The following SLF1 variants were observed in gnomAD, a reference collection of about 807,000 sequenced individuals.
SLF1 encodes SMC5/6 complex localization factor 1, also known as SMC5-SMC6 complex localization factor protein 1.
SLF1 carries 105 observed loss-of-function variants against 123.0 expected under a neutral mutation model. The observed-to-expected ratio is 0.85, with a 90% CI of 0.73 to 1.00. The LOEUF is 1.00. SLF1 is among the 50% of genes least tolerant of loss of function. The pLI is 0.00. For synonymous variants in SLF1, 434 were observed against 406.6 expected, an observed-to-expected ratio of 1.07 and a Z score of -0.81; for missense variants, 1,239 against 1,223.0, an observed-to-expected ratio of 1.01 and a Z score of -0.20.
chr5:94,650,925 A>G (rs537759323), intron 6 of SLF1, among the ~76,000 whole-genome samples: 16 of 152,368 alleles, frequency 1.1e-4, no homozygotes, highest in African/African-American at 3.6e-4. Context: ...TTGAATAAAC[A>G]TGGCAAAAGA....
At chr5:94,662,138 A>G (rs1749196872) in intron 9 of SLF1, among the ~76,000 whole-genome samples, 160 bp from the exon 10 acceptor site, 1 of 152,228 alleles carries the variant, frequency 6.6e-6, no homozygotes, top group Non-Finnish European at 1.5e-5. Context: ...CCCTAAAATA[A>G]TAAAAGTTGC....
At chr5:94,639,621 C>T (rs1231364491) in intron 4 of SLF1, among the ~76,000 whole-genome samples, 1 of 152,092 alleles carries the variant, frequency 6.6e-6, no homozygotes, top group Non-Finnish European at 1.5e-5. Context: ...TAACTTGACT[C>T]CCCAAAAACA....
At position 94,695,228 on chromosome 5, in the gene SLF1, T is replaced by G. The variant is rs1753444951; in HGVS notation, c.3093T>G (p.Asn1031Lys). 1 of 1,612,586 alleles carries G rather than the reference T, an allele frequency of 6.2e-7. No homozygotes were observed. Among genetic ancestry groups the G allele is most frequent in the African/African-American group, 1.3e-5 (1 of 74,938 alleles). The change falls in exon 21 of 21, where the codon AAT becomes AAG. Residue 1031 changes from asparagine (N) to lysine (K), a missense_variant. By Grantham distance (94) the Asn-to-Lys change is moderately conservative (BLOSUM62 0). Transcript: ENST00000265140. ...ACATTCTTAAGGAACTGCCTGAGAA[T>G]TTGAAAGTGTGTCCTGGGGTACACA... ...LPHILKELPE[N>K]LKVCPGVHTE...
intron 12 of SLF1, among the ~76,000 whole-genome samples, chr5:94,669,903 A>G (rs1185850880): frequency 6.6e-6 from 1 of 152,022 alleles, no homozygotes; most frequent in African/African-American, 2.4e-5. Context: ...CCTGCTAGTC[A>G]TTAAATATTA....
intron 8 of SLF1, among the ~76,000 whole-genome samples, chr5:94,654,420 A>T (rs1055461085): frequency 6.6e-6 from 1 of 151,602 alleles, no homozygotes; most frequent in Non-Finnish European, 1.5e-5. Context: ...GAAAGTACAT[A>T]TGTAAATATC....
chr5:94,622,145 C>G (rs1387164378), intron 1 of SLF1, among the ~76,000 whole-genome samples: 1 of 152,198 alleles, frequency 6.6e-6, no homozygotes, highest in Non-Finnish European at 1.5e-5. Context: ...AATATTGGTT[C>G]AAACAGAGAT....
chr5:94,694,393 C>G (rs1753360393), intron 20 of SLF1, among the ~76,000 whole-genome samples: 1 of 151,840 alleles, frequency 6.6e-6, no homozygotes, highest in Admixed American at 6.6e-5. Flanking sequence ...AGTCTTTGCA[C>G]TGCTAGAATT....
chr5:94,670,854 G>A lies in SLF1; in HGVS notation c.1673G>A (p.Trp558Ter), dbSNP rs1318293364. The A allele has an allele frequency of 2.6e-6, 4 of 1,548,744 alleles. No homozygotes were observed. Among genetic ancestry groups the A allele is most frequent in the Non-Finnish European group, 2.6e-6 (3 of 1,145,068 alleles). ...TATATTTTAATTAGGTTGTATGACT[G>A]GTCAGATTCTCAGAATCTGAAAATA... ...VQHLSQKLYD[W>*]SDSQNLKITG... The change falls in exon 14 of 21, where the codon TGG becomes TAG. Residue 558 changes from tryptophan (W) to a stop codon, truncating the protein, a stop_gained. Transcript: ENST00000265140. LOFTEE classifies it high-confidence loss of function.
chr5:94,692,841 T>A (rs1753183894), intron 20 of SLF1, among the ~76,000 whole-genome samples: 1 of 152,200 alleles, frequency 6.6e-6, no homozygotes. Context: ...TGAATATTCA[T>A]CTGCGTTTTT....
At chr5:94,640,717 A>G (rs1266330081) in intron 4 of SLF1, among the ~76,000 whole-genome samples, 1 of 152,182 alleles carries the variant, frequency 6.6e-6, no homozygotes, top group African/African-American at 2.4e-5. Flanking sequence ...CAATCTTAAA[A>G]TTCAGTGATT....
At chr5:94,644,617 C>T (rs1011519625) in intron 5 of SLF1, among the ~76,000 whole-genome samples, 4 of 152,176 alleles carry the variant, frequency 2.6e-5, no homozygotes, top group African/African-American at 9.7e-5. Context: ...AAGTTATTCT[C>T]CACTACTCCT....
intron 4 of SLF1, among the ~76,000 whole-genome samples, chr5:94,636,692 T>A (rs1020328623): frequency 1.3e-5 from 2 of 151,286 alleles, no homozygotes; most frequent in Admixed American, 6.6e-5. Flanking sequence ...TTAATCTGTA[T>A]GTTCTTGTAT....
rs1233246900 is a variant in SLF1 at position 94,649,583 on chromosome 5, A to G, written c.724A>G (p.Met242Val). The part of the protein sequence containing the change: ...LEMKGALRET[M>V]YRTQKEMQNH... ...AATGAAAGGTGCCTTAAGAGAGACC[A>G]TGTATAGAACCCAGGTAAACTTTAT... Residue 242 changes from methionine (M) to valine (V), a missense_variant, in exon 6 of 21, where the codon ATG (methionine) becomes GTG (valine). Physicochemically the swap from Met to Val is conservative, Grantham distance 21. Transcript: ENST00000265140. 1.3e-6 allele frequency: 2 copies of G among 1,510,470 alleles called. No individual in the cohort carries two copies. Among genetic ancestry groups the G allele is most frequent in the Admixed American group, 2.0e-5 (1 of 49,150 alleles). 93.6% of individuals were successfully genotyped at this position (1,510,470 alleles called of 1,614,324 possible). A position where few individuals can be genotyped will look rare whatever the true frequency, so the allele number is the denominator to read the frequency against.
chr5:94,644,673 G>A (rs1235743322), intron 5 of SLF1, among the ~76,000 whole-genome samples: 1 of 152,122 alleles, frequency 6.6e-6, no homozygotes, highest in Non-Finnish European at 1.5e-5. Flanking sequence ...TCAGGTTCCT[G>A]TTACAATGTT....
chr5:94,625,210 T>A (rs945320787), intron 1 of SLF1, among the ~76,000 whole-genome samples: 2,851 of 143,696 alleles, frequency 0.02, 82 homozygotes, highest in African/African-American at 0.067. Flanking sequence ...AAAAAAAAAA[T>A]ATTAAACAAT....
At chr5:94,686,931 C>T (rs1029815642) in intron 16 of SLF1, among the ~76,000 whole-genome samples, 2 of 152,066 alleles carry the variant, frequency 1.3e-5, no homozygotes, top group African/African-American at 4.8e-5. Context: ...GGGCTACAGG[C>T]GCCCACCACC....
rs776007998 is a variant in SLF1 at position 94,654,789 on chromosome 5, G to A, written c.1155+37G>A. On this transcript the variant is annotated intron_variant, in intron 9 of 20. Transcript: ENST00000265140. ...CACATGAAAAATTTTGTATAATATC[G>A]TGTCTTACTGTAGTGTATTCAAAAT... is the stretch of plus-strand genomic sequence containing the variant. 2.5e-4 allele frequency: 358 copies of A among 1,429,784 alleles called. 1 individual carries two copies. Among genetic ancestry groups the A allele is most frequent in the Non-Finnish European group, 2.6e-4 (283 of 1,081,940 alleles). The allele number at this position is 1,429,784 out of a possible 1,614,324, so 88.6% of individuals were successfully genotyped here.
rs201043404 is a variant in SLF1, at chr5:94,670,800, C to T, written c.1662-43C>T. 4 of 1,419,990 alleles carry T rather than the reference C, an allele frequency of 2.8e-6. No homozygotes were observed. In the East Asian group the frequency reaches 1.0e-4, roughly 36 times the overall value. 88.0% of individuals were successfully genotyped at this position (1,419,990 alleles called of 1,614,324 possible). Reference sequence around the variant, plus strand: ...AGAGATGTCAAGTAATTGTCATGATCAAATTGGCTTAAAGATATACTTTTT... The same window carrying T: ...AGAGATGTCAAGTAATTGTCATGATTAAATTGGCTTAAAGATATACTTTTT... On this transcript the variant is annotated intron_variant, in intron 13 of 20. Transcript: ENST00000265140.
chr5:94,676,753 A>G (rs1751115264), intron 14 of SLF1, among the ~76,000 whole-genome samples: 1 of 152,248 alleles, frequency 6.6e-6, no homozygotes, highest in African/African-American at 2.4e-5. Context: ...TTCCTTCCAT[A>G]AACACTGTTC....
Sources: gnomAD v4.1 joint callset for allele counts (sites outside exome capture counted in the v4.1 genomes callset) on GRCh38, gnomAD v4.1.1 for gene constraint, MANE v1.5 for transcripts, NCBI Gene and HGNC (gene_info 2026-07-23, HGNC 2026-07-21) for gene names.